The following LRP1B variants were observed in gnomAD, a reference collection of about 807,000 sequenced individuals.
LRP1B encodes the protein LDL receptor related protein 1B.
In LRP1B, 217 loss-of-function variants were observed where a neutral mutation model predicts 556.6. The ratio of observed to expected loss-of-function variants is 0.39; its 90% CI spans 0.35 to 0.44. The LOEUF (loss-of-function observed/expected upper bound fraction) is 0.44, where lower values mean the gene tolerates loss of function less well. Ranked by LOEUF, LRP1B falls within the 20% of genes least tolerant of loss-of-function variation. The pLI, the probability that LRP1B is intolerant of heterozygous loss-of-function variation, is 1.00. For synonymous variants in LRP1B, 2,047 were observed against 1,865.8 expected (o/e 1.10, Z -2.50); for missense variants, 5,053 against 5,620.8 (o/e 0.90, Z 3.23).
intron 43 of LRP1B, among the ~76,000 whole-genome samples, chr2:140,549,320 A>C (rs1680459542): frequency 6.6e-6 from 1 of 152,186 alleles, no homozygotes. Flanking sequence ...ACAAAATAAT[A>C]ATCTTGCCAC....
intron 31 of LRP1B, among the ~76,000 whole-genome samples, chr2:140,828,015 G>C (rs999080025): frequency 8.6e-5 from 13 of 151,940 alleles, no homozygotes; most frequent in African/African-American, 2.9e-4. Flanking sequence ...ACTGTACCCA[G>C]AAAGCTTTCC....
At chr2:141,233,517 A>G (rs1683546381) in intron 5 of LRP1B, among the ~76,000 whole-genome samples, 2 of 152,204 alleles carry the variant, frequency 1.3e-5, no homozygotes, top group Non-Finnish European at 2.9e-5. Flanking sequence ...TGTGAATTGA[A>G]AAGAGAAACT....
chr2:141,721,260 G>C (rs1692800864), intron 2 of LRP1B, among the ~76,000 whole-genome samples: 1 of 152,028 alleles, frequency 6.6e-6, no homozygotes, highest in Non-Finnish European at 1.5e-5. Flanking sequence ...TGCTTGACTG[G>C]TTTTTGAAAT....
chr2:142,059,200 A>C (rs1704799205), intron 1 of LRP1B, among the ~76,000 whole-genome samples: 1 of 152,126 alleles, frequency 6.6e-6, no homozygotes, highest in African/African-American at 2.4e-5. Context: ...GGGATGATGG[A>C]AATGTTCTGA....
intron 35 of LRP1B, among the ~76,000 whole-genome samples, chr2:140,738,372 A>G (rs1688020049): frequency 6.6e-6 from 1 of 152,084 alleles, no homozygotes; most frequent in Non-Finnish European, 1.5e-5. Context: ...TGGAGGAGCT[A>G]TTTCTCAAAC....
intron 1 of LRP1B, among the ~76,000 whole-genome samples, chr2:141,819,892 C>A (rs352994): frequency 0.23 from 34,555 of 151,840 alleles, 4,152 homozygotes; most frequent in East Asian, 0.35. Flanking sequence ...AAAAATATAA[C>A]AAAGGCTTCA....
At chr2:140,488,316 A>T (rs78791070) in intron 57 of LRP1B, among the ~76,000 whole-genome samples, 1 of 152,018 alleles carries the variant, frequency 6.6e-6, no homozygotes, top group African/African-American at 2.4e-5. Flanking sequence ...GTGATATTAG[A>T]ATTTAAAAGT....
At chr2:141,418,375 T>A (rs1679997821) in intron 3 of LRP1B, among the ~76,000 whole-genome samples, 2 of 152,082 alleles carry the variant, frequency 1.3e-5, no homozygotes, top group South Asian at 4.1e-4. Flanking sequence ...AGAGCTTACA[T>A]TTAAGTCTTT....
rs182019985 is a variant in LRP1B at position 141,618,128 on chromosome 2, C to T, written c.206-137595G>A. ...GTATGTATTTTGAGGTCTGAGGGGA[C>T]GGAGAAAGAACTTGCCCTTAAACAG... On this transcript the variant is annotated intron_variant, in intron 2 of 90. Transcript: ENST00000389484. 2.1e-4 allele frequency among the ~76,000 whole-genome samples: 32 copies of T among 152,144 alleles called. 1 individual carries two copies. Among genetic ancestry groups the T allele is most frequent in the African/African-American group, 7.0e-4 (29 of 41,528 alleles).
chr2:141,038,796 C>G (rs1386331647), intron 11 of LRP1B, among the ~76,000 whole-genome samples: 2 of 152,004 alleles, frequency 1.3e-5, no homozygotes, highest in Non-Finnish European at 2.9e-5. Context: ...TAAAGGACTT[C>G]TGAAGTAGTA....
chr2:140,699,624 G>T (rs1351812121), intron 41 of LRP1B, among the ~76,000 whole-genome samples: 1 of 150,990 alleles, frequency 6.6e-6, no homozygotes. Context: ...TAAGAAGATG[G>T]TTTTTGTTAA....
chr2:141,310,204 C>T (rs1165872136), intron 3 of LRP1B, among the ~76,000 whole-genome samples: 1 of 152,092 alleles, frequency 6.6e-6, no homozygotes, highest in Non-Finnish European at 1.5e-5. Context: ...AAAACCCAAG[C>T]ATTTCACTCT....
chr2:140,303,994 C>A (rs1683955186), intron 83 of LRP1B, among the ~76,000 whole-genome samples: 1 of 152,090 alleles, frequency 6.6e-6, no homozygotes, highest in Non-Finnish European at 1.5e-5. Flanking sequence ...TGAACTCATC[C>A]TTTCTTATGG....
At chr2:140,551,667 A>C (rs1469738447) in intron 43 of LRP1B, among the ~76,000 whole-genome samples, 5 of 152,198 alleles carry the variant, frequency 3.3e-5, no homozygotes, top group Non-Finnish European at 5.9e-5. Flanking sequence ...TAGCTTAGAT[A>C]AGAACCAAAA....
chr2:140,534,285 G>A, intron 46 of LRP1B, 145 bp from the exon 47 acceptor site: 1 of 752,432 alleles, frequency 1.3e-6, no homozygotes, highest in Non-Finnish European at 2.1e-6. Flanking sequence ...CTCTGGATTA[G>A]AATGTTTATG....
intron 41 of LRP1B, among the ~76,000 whole-genome samples, chr2:140,619,675 T>C (rs1215505218): frequency 1.3e-5 from 2 of 152,200 alleles, no homozygotes; most frequent in Non-Finnish European, 2.9e-5. Flanking sequence ...AATGAGATCA[T>C]TTATATGTAA....
At chr2:141,679,864 T>C (rs1178543415) in intron 2 of LRP1B, among the ~76,000 whole-genome samples, 1 of 151,330 alleles carries the variant, frequency 6.6e-6, no homozygotes, top group Admixed American at 6.6e-5. Context: ...TTTATATAGA[T>C]ATGAGATATA....
chr2:141,613,620 T>G (rs1234097963), intron 2 of LRP1B, among the ~76,000 whole-genome samples: 1 of 152,178 alleles, frequency 6.6e-6, no homozygotes, highest in East Asian at 1.9e-4. Context: ...CAATTCTGCT[T>G]TCCATTTTGG....
intron 3 of LRP1B, among the ~76,000 whole-genome samples, chr2:141,468,884 C>T (rs766812925): frequency 2.0e-5 from 3 of 152,096 alleles, no homozygotes; most frequent in Non-Finnish European, 4.4e-5. Context: ...AGCCTTGGCT[C>T]GCAAGCACAA....
Sources: allele counts gnomAD v4.1 joint callset (sites outside exome capture counted in the v4.1 genomes callset), GRCh38; gene constraint gnomAD v4.1.1; transcripts MANE v1.5; gene names NCBI Gene and HGNC (gene_info 2026-07-23, HGNC 2026-07-21).